Variants in DAB1 observed in about 807,000 individuals in gnomAD.
DAB1 encodes DAB adaptor protein 1.
Under a neutral mutation model 64.6 loss-of-function variants are expected in DAB1, and 15 were observed. The ratio of observed to expected loss-of-function variants is 0.23; its 90% CI spans 0.16 to 0.36. The LOEUF is 0.36. Ranked by LOEUF, DAB1 falls within the 10% of genes least tolerant of loss-of-function variation. DAB1 has a pLI of 1.00. For synonymous variants in DAB1, 235 were observed against 251.9 expected (o/e 0.93, Z 0.64); for missense variants, 596 against 706.7 (o/e 0.84, Z 1.78).
chr1:57,289,266 T>G (rs535068247), intron 2 of DAB1, among the ~76,000 whole-genome samples: 2 of 152,330 alleles, frequency 1.3e-5, no homozygotes, highest in South Asian at 4.1e-4. Flanking sequence ...TGCACTAAGA[T>G]AACATTTTTA....
At chr1:58,316,988 C>A (rs534942437) in intron 4 of DAB1, among the ~76,000 whole-genome samples, 4 of 152,344 alleles carry the variant, frequency 2.6e-5, no homozygotes, top group African/African-American at 9.6e-5. Context: ...TTAATCATTA[C>A]AATGATCCAT....
chr1:57,946,110 G>A (rs1645180885), intron 5 of DAB1, among the ~76,000 whole-genome samples: 1 of 152,110 alleles, frequency 6.6e-6, no homozygotes, highest in Non-Finnish European at 1.5e-5. Context: ...AGATCACTAG[G>A]GTTTTACCAA....
intron 6 of DAB1, among the ~76,000 whole-genome samples, chr1:57,685,430 T>C (rs182973351): frequency 1.9e-4 from 29 of 152,276 alleles, no homozygotes; most frequent in African/African-American, 7.0e-4. Context: ...ACTCTTGACC[T>C]ACAAAAAGAC....
At chr1:57,384,926 A>G (rs1681684000) in intron 1 of DAB1, among the ~76,000 whole-genome samples, 1 of 152,230 alleles carries the variant, frequency 6.6e-6, no homozygotes, top group Admixed American at 6.5e-5. Flanking sequence ...AAATAAAAAT[A>G]TGTCAGATCA....
chr1:58,467,749 A>G (rs1365578573), intron 3 of DAB1, among the ~76,000 whole-genome samples: 1 of 152,192 alleles, frequency 6.6e-6, no homozygotes, highest in Non-Finnish European at 1.5e-5. Flanking sequence ...ATATGTTTTA[A>G]TTTTTTATTA....
intron 14 of DAB1, among the ~76,000 whole-genome samples, chr1:57,000,829 C>A (rs1474439699): frequency 1.3e-5 from 2 of 152,186 alleles, no homozygotes; most frequent in Non-Finnish European, 2.9e-5. Context: ...ATTTTGGAAA[C>A]TAATTTATCC....
At chr1:58,457,743 T>C (rs1015540628) in intron 3 of DAB1, among the ~76,000 whole-genome samples, 1 of 152,182 alleles carries the variant, frequency 6.6e-6, no homozygotes. Flanking sequence ...CCATTAAAGA[T>C]GTAGGAGTCT....
At position 57,587,230 on chromosome 1, in the gene DAB1, A is replaced by G. The variant is rs370764942; in HGVS notation, n.625+62362T>C. The stretch of plus-strand genomic sequence containing the variant: ...CTTGTTCTTTGCTGGGACCATGAGA[A>G]TTCTTCCATCAGATAATGTCAGAGT... On this transcript the variant is annotated intron_variant and non_coding_transcript_variant, in intron 7 of 20. Coordinates refer to the DAB1 transcript ENST00000485760. Among the ~76,000 whole-genome samples, 9 of 152,342 alleles carry G rather than the reference A, an allele frequency of 5.9e-5. No individual in the cohort carries two copies. The South Asian group carries it at 1.9e-3, about 32-fold the overall frequency.
At chr1:57,619,326 A>G (rs1645827941) in intron 7 of DAB1, among the ~76,000 whole-genome samples, 2 of 152,332 alleles carry the variant, frequency 1.3e-5, no homozygotes, top group South Asian at 4.1e-4. Context: ...CACCTGGTAC[A>G]TGACAACGCT....
intron 10 of DAB1, among the ~76,000 whole-genome samples, chr1:57,025,106 C>G (rs774409516): frequency 6.6e-6 from 1 of 152,198 alleles, no homozygotes; most frequent in African/African-American, 2.4e-5. Context: ...GAGGAGCTGT[C>G]CCCTCCCGGC....
chr1:57,651,616 T>C (rs78707582), intron 6 of DAB1, among the ~76,000 whole-genome samples: 5 of 151,800 alleles, frequency 3.3e-5, no homozygotes, highest in African/African-American at 1.2e-4. Context: ...TTCTTATATA[T>C]AAAGTGGGAT....
At chr1:57,155,421 T>C (rs1660117990) in intron 2 of DAB1, among the ~76,000 whole-genome samples, 1 of 152,194 alleles carries the variant, frequency 6.6e-6, no homozygotes. Flanking sequence ...CTGTTTTGGT[T>C]ACTATAGCTC....
At chr1:58,348,383 G>C (rs1644021055) in intron 3 of DAB1, among the ~76,000 whole-genome samples, 1 of 152,044 alleles carries the variant, frequency 6.6e-6, no homozygotes, top group African/African-American at 2.4e-5. Flanking sequence ...AACAACATGA[G>C]GCTAGAAGTC....
intron 2 of DAB1, among the ~76,000 whole-genome samples, chr1:58,506,797 G>A (rs1024063780): frequency 2.0e-5 from 3 of 152,084 alleles, no homozygotes; most frequent in Admixed American, 2.0e-4. Context: ...TGTTTATTAT[G>A]CACATCAATT....
intron 6 of DAB1, among the ~76,000 whole-genome samples, chr1:57,685,220 G>A (rs1381478290): frequency 6.6e-6 from 1 of 151,542 alleles, no homozygotes; most frequent in African/African-American, 2.4e-5. Context: ...CCAAAGTGCT[G>A]GGATTATAGG....
intron 7 of DAB1, among the ~76,000 whole-genome samples, chr1:57,562,017 A>G (rs762205515): frequency 5.3e-5 from 8 of 152,252 alleles, no homozygotes; most frequent in Non-Finnish European, 1.0e-4. Context: ...AGAATGCCTT[A>G]TCCACTGTCA....
At chr1:57,407,594 C>T (rs1683745394) in intron 1 of DAB1, among the ~76,000 whole-genome samples, 1 of 152,144 alleles carries the variant, frequency 6.6e-6, no homozygotes, top group Non-Finnish European at 1.5e-5. Context: ...TACAAAACAA[C>T]CCTATAAGAA....
chr1:58,134,357 C>G (rs1330606242), intron 5 of DAB1, among the ~76,000 whole-genome samples: 1 of 152,090 alleles, frequency 6.6e-6, no homozygotes, highest in Non-Finnish European at 1.5e-5. Context: ...TATAAGCCAC[C>G]AATCCCATAT....
At chr1:57,918,693 G>A (rs555911246) in intron 5 of DAB1, among the ~76,000 whole-genome samples, 20 of 152,168 alleles carry the variant, frequency 1.3e-4, no homozygotes, top group East Asian at 1.2e-3. Flanking sequence ...GCATGGTGGC[G>A]GGCACCTGTA....
Sources: allele counts gnomAD v4.1 joint callset (sites outside exome capture counted in the v4.1 genomes callset), GRCh38; gene constraint gnomAD v4.1.1; transcripts MANE v1.5; gene names NCBI Gene and HGNC (gene_info 2026-07-23, HGNC 2026-07-21).